The following CCDC91 variants were observed in gnomAD, a reference collection of about 807,000 sequenced individuals.
CCDC91 encodes coiled-coil domain-containing protein 91.
Under a neutral mutation model 63.2 loss-of-function variants are expected in CCDC91, and 48 were observed. That is an observed-to-expected ratio of 0.76 (90% confidence interval 0.60 to 0.97). The LOEUF is 0.97. Among genes scored for constraint, CCDC91 ranks in the 50% least tolerant of loss-of-function variants. The pLI, the probability that CCDC91 is intolerant of heterozygous loss-of-function variation, is 0.00. For synonymous variants in CCDC91, 167 were observed against 165.8 expected, an observed-to-expected ratio of 1.01 and a Z score of -0.06; for missense variants, 500 against 494.6, an observed-to-expected ratio of 1.01 and a Z score of -0.10.
rs1476070298 is a variant in CCDC91, at chr12:28,363,883, A to G, written c.654+1368A>G. Among the ~76,000 whole-genome samples the G allele has an allele frequency of 6.0e-5, 9 of 150,382 alleles. No individual in the cohort carries two copies. The South Asian group carries it at 8.4e-4, about 14-fold the overall frequency. ...CAGAGCAAGGCTCCATCTGAAAAAA[A>G]AAAAAAAAAAAAAAAGAAAAAAGAA... On this transcript the variant is annotated intron_variant, in intron 7 of 12. Coordinates refer to ENST00000536442, the MANE Select transcript of CCDC91 (RefSeq NM_018318.5).
intron 7 of CCDC91, among the ~76,000 whole-genome samples, chr12:28,366,928 T>G (rs1469066588): frequency 6.6e-6 from 1 of 152,066 alleles, no homozygotes; most frequent in Non-Finnish European, 1.5e-5. Context: ...TGCTGAGTGC[T>G]AGTAGAGGCT....
At chr12:28,358,313 T>C (rs1257490920) in intron 6 of CCDC91, among the ~76,000 whole-genome samples, 1 of 152,230 alleles carries the variant, frequency 6.6e-6, no homozygotes, top group African/African-American at 2.4e-5. Flanking sequence ...AGGTTGTGAA[T>C]AATGTTATTA....
At chr12:28,264,577 A>ATGTGTG (rs1565692952) in intron 3 of CCDC91, among the ~76,000 whole-genome samples, 2 of 50,836 alleles carry the variant, frequency 3.9e-5, no homozygotes, top group South Asian at 7.7e-4. Context: ...ATATATATAT[A>ATGTGTG]TGTCTGTCTG....
At chr12:28,460,811 G>A (rs111274975) in intron 11 of CCDC91, among the ~76,000 whole-genome samples, 4,192 of 151,756 alleles carry the variant, frequency 0.028, 201 homozygotes, top group African/African-American at 0.092. Flanking sequence ...GTGTGTGTGT[G>A]TATATATATA....
At chr12:28,428,946 C>T (rs773922965) in intron 8 of CCDC91, among the ~76,000 whole-genome samples, 1 of 151,868 alleles carries the variant, frequency 6.6e-6, no homozygotes, top group Non-Finnish European at 1.5e-5. Context: ...TTTTTATTGA[C>T]CTTCCAATTT....
chr12:28,454,988 C>T (rs776098275), intron 11 of CCDC91, among the ~76,000 whole-genome samples: 1 of 152,052 alleles, frequency 6.6e-6, no homozygotes, highest in Non-Finnish European at 1.5e-5. Context: ...TTTCCTGTTT[C>T]ACCTCTTGTT....
chr12:28,345,873 A>C (rs1942775516), intron 6 of CCDC91, among the ~76,000 whole-genome samples: 1 of 152,252 alleles, frequency 6.6e-6, no homozygotes, highest in South Asian at 2.1e-4. Context: ...ATCAGTATTC[A>C]GTCTTTACAG....
chr12:28,439,958 T>G (rs995817164), intron 8 of CCDC91, among the ~76,000 whole-genome samples: 13 of 151,694 alleles, frequency 8.6e-5, no homozygotes, highest in African/African-American at 3.1e-4. Flanking sequence ...TGCATTTATT[T>G]CTTCAATTTG....
intron 1 of CCDC91, among the ~76,000 whole-genome samples, chr12:28,203,746 A>G (rs1942637678): frequency 6.6e-6 from 1 of 152,246 alleles, no homozygotes; most frequent in Non-Finnish European, 1.5e-5. Context: ...AATAAGTAGT[A>G]TGGTGCAGAC....
chr12:28,417,269 T>C (rs1442716517), intron 8 of CCDC91, among the ~76,000 whole-genome samples: 1 of 152,138 alleles, frequency 6.6e-6, no homozygotes, highest in Non-Finnish European at 1.5e-5. Flanking sequence ...AGCTATACTT[T>C]GCATGCAGTA....
intron 11 of CCDC91, among the ~76,000 whole-genome samples, chr12:28,468,956 A>G (rs1324251737): frequency 6.6e-6 from 1 of 152,062 alleles, no homozygotes; most frequent in Non-Finnish European, 1.5e-5. Context: ...TAAAAGTTAT[A>G]TATGACAGAC....
chr12:28,466,911 T>C (rs1250879612), intron 11 of CCDC91, among the ~76,000 whole-genome samples: 2 of 152,140 alleles, frequency 1.3e-5, no homozygotes, highest in African/African-American at 4.8e-5. Flanking sequence ...CAAGAAGTTT[T>C]CAAGACAATA....
intron 8 of CCDC91, among the ~76,000 whole-genome samples, chr12:28,396,705 A>G (rs1008521969): frequency 6.6e-6 from 1 of 151,766 alleles, no homozygotes; most frequent in Admixed American, 6.6e-5. Flanking sequence ...TGTTTGTGAC[A>G]CAAACACATA....
intron 1 of CCDC91, among the ~76,000 whole-genome samples, chr12:28,220,919 C>T (rs1841962): frequency 0.7 from 106,338 of 151,848 alleles, 37,609 homozygotes; most frequent in East Asian, 0.95. Flanking sequence ...AGTATGATTT[C>T]TTTATGTTTG....
chr12:28,227,075 C>T (rs1286883583), intron 1 of CCDC91, among the ~76,000 whole-genome samples: 1 of 152,114 alleles, frequency 6.6e-6, no homozygotes, highest in Non-Finnish European at 1.5e-5. Context: ...CACATTGTAT[C>T]AAGGGTACTT....
intron 12 of CCDC91, among the ~76,000 whole-genome samples, chr12:28,513,910 C>T (rs1939653742): frequency 6.6e-6 from 1 of 151,860 alleles, no homozygotes; most frequent in African/African-American, 2.4e-5. Flanking sequence ...GTGAATAGCA[C>T]AGCAGTGGAC....
At chr12:28,235,200 C>A (rs2135875082) in intron 1 of CCDC91, among the ~76,000 whole-genome samples, 1 of 152,218 alleles carries the variant, frequency 6.6e-6, no homozygotes, top group African/African-American at 2.4e-5. Flanking sequence ...ACATATCTCA[C>A]CCATGCTACT....
chr12:28,469,726 G>A (rs1197133486), intron 11 of CCDC91, among the ~76,000 whole-genome samples: 1 of 152,074 alleles, frequency 6.6e-6, no homozygotes, highest in Non-Finnish European at 1.5e-5. Context: ...CATGGTACTG[G>A]CATAAAATCA....
At position 28,292,032 on chromosome 12, in the gene CCDC91, G is replaced by A. The variant is rs964640238; in HGVS notation, c.110-13617G>A. 5.3e-5 allele frequency among the ~76,000 whole-genome samples: 8 copies of A among 152,264 alleles called. No homozygotes were observed. In the East Asian group the frequency reaches 1.2e-3, roughly 22 times the overall value. On this transcript the variant is annotated intron_variant, in intron 3 of 12. Coordinates refer to ENST00000536442, the MANE Select transcript of CCDC91 (RefSeq NM_018318.5). ...TGGCCAAATGCGTTGTTGATGTTGC[G>A]AGTTGTCTCTGCTGCTTTATCACCC...
Sources: allele counts gnomAD v4.1 joint callset (sites outside exome capture counted in the v4.1 genomes callset), GRCh38; gene constraint gnomAD v4.1.1; transcripts MANE v1.5; gene names NCBI Gene and HGNC (gene_info 2026-07-23, HGNC 2026-07-21).